Variants in RBMS3 observed in about 807,000 individuals in gnomAD.
The protein encoded by RBMS3 is RNA-binding motif, single-stranded-interacting protein 3.
Under a neutral mutation model 66.8 loss-of-function variants are expected in RBMS3, and 27 were observed. The ratio of observed to expected loss-of-function variants is 0.40; its 90% CI spans 0.30 to 0.56. The LOEUF is 0.56. RBMS3 is among the 20% of genes least tolerant of loss of function. RBMS3 has a pLI of 0.40. For synonymous variants in RBMS3, 188 were observed against 183.0 expected, an observed-to-expected ratio of 1.03 and a Z score of -0.22; for missense variants, 513 against 549.5, an observed-to-expected ratio of 0.93 and a Z score of 0.66.
At chr3:29,894,360 G>A (rs1231677780) in intron 8 of RBMS3, among the ~76,000 whole-genome samples, 1 of 151,400 alleles carries the variant, frequency 6.6e-6, no homozygotes, top group Non-Finnish European at 1.5e-5. Context: ...AGGGAATACA[G>A]ACATGCACCA....
chr3:29,733,563 A>G (rs2149339882), intron 4 of RBMS3, among the ~76,000 whole-genome samples: 1 of 152,122 alleles, frequency 6.6e-6, no homozygotes, highest in African/African-American at 2.4e-5. Context: ...AGGCATTCTA[A>G]TAGGGGTGAG....
At chr3:29,776,587 G>T (rs1282111456) in intron 6 of RBMS3, among the ~76,000 whole-genome samples, 1 of 151,974 alleles carries the variant, frequency 6.6e-6, no homozygotes, top group Non-Finnish European at 1.5e-5. Context: ...TTAACTGAGA[G>T]ATTTTCTATA....
chr3:29,795,651 G>C (rs2057159665), intron 6 of RBMS3, among the ~76,000 whole-genome samples: 1 of 152,122 alleles, frequency 6.6e-6, no homozygotes, highest in African/African-American at 2.4e-5. Context: ...CCATAATACA[G>C]AAATATAACC....
chr3:29,794,863 G>A (rs1373614214), intron 6 of RBMS3, among the ~76,000 whole-genome samples: 4 of 152,152 alleles, frequency 2.6e-5, no homozygotes, highest in Non-Finnish European at 5.9e-5. Context: ...ATTTGCTAAA[G>A]GGTTGGGAGA....
rs72849037 is a variant in RBMS3 at position 29,970,266 on chromosome 3, A to G, written c.1099-17877A>G. Among the ~76,000 whole-genome samples the G allele has an allele frequency of 1.6e-3, 244 of 152,294 alleles. 1 individual carries two copies. The highest frequency in any genetic ancestry group is 5.6e-3 in the African/African-American group (231 of 41,574). On this transcript the variant is annotated intron_variant, in intron 12 of 14. Coordinates refer to ENST00000383767, the MANE Select transcript of RBMS3 (RefSeq NM_001003793.3). ...AACAGAAACTAATGTTTTCTAGGATATAGCATTCAAGGACCAAGAAACTAG... is the reference window on the plus strand; with the variant it reads ...AACAGAAACTAATGTTTTCTAGGATGTAGCATTCAAGGACCAAGAAACTAG...
intron 5 of RBMS3, among the ~76,000 whole-genome samples, chr3:29,760,252 AACACACAC>A (rs139553062): frequency 1.3e-5 from 2 of 148,432 alleles, no homozygotes; most frequent in South Asian, 4.3e-4. Context: ...ATGTAGAATA[AACACACAC>A]ACACACACAT....
chr3:29,856,874 C>T (rs2059089811), intron 6 of RBMS3, among the ~76,000 whole-genome samples: 1 of 152,110 alleles, frequency 6.6e-6, no homozygotes, highest in Non-Finnish European at 1.5e-5. Context: ...TTTAACATCT[C>T]CTTGAAAAAC....
intron 1 of RBMS3, among the ~76,000 whole-genome samples, chr3:29,286,631 G>T (rs1339211612): frequency 6.6e-6 from 1 of 152,018 alleles, no homozygotes; most frequent in Non-Finnish European, 1.5e-5. Flanking sequence ...CTGGGGGTAG[G>T]GATAATTTGC....
At chr3:29,615,191 C>T (rs1459894318) in intron 4 of RBMS3, 2 of 152,398 alleles carry the variant, frequency 1.3e-5, no homozygotes, top group East Asian at 3.9e-4. Flanking sequence ...CAGTTGGAAG[C>T]AATTACCACC....
chr3:29,484,579 G>A (rs1438541700), intron 2 of RBMS3, among the ~76,000 whole-genome samples: 1 of 152,136 alleles, frequency 6.6e-6, no homozygotes, highest in Non-Finnish European at 1.5e-5. Flanking sequence ...TTAATTTTGA[G>A]GGGACAAAAT....
At chr3:29,919,043 T>C (rs1011618088) in intron 10 of RBMS3, among the ~76,000 whole-genome samples, 1 of 152,142 alleles carries the variant, frequency 6.6e-6, no homozygotes, top group Non-Finnish European at 1.5e-5. Flanking sequence ...GAGAAAACAA[T>C]TTTTAATAAA....
intron 3 of RBMS3, among the ~76,000 whole-genome samples, chr3:29,555,726 C>T (rs759338721): frequency 8.5e-5 from 13 of 152,182 alleles, no homozygotes; most frequent in Non-Finnish European, 1.9e-4. Context: ...GAATTTGGTT[C>T]TGTCTCCTGC....
chr3:29,359,493 T>C (rs1459219927), intron 1 of RBMS3, among the ~76,000 whole-genome samples: 2 of 152,218 alleles, frequency 1.3e-5, no homozygotes, highest in Middle Eastern at 3.2e-3. Flanking sequence ...TCAGGGGTAT[T>C]GGTCTAAAAT....
chr3:29,953,776 G>C (rs1056021069), intron 12 of RBMS3, among the ~76,000 whole-genome samples: 7 of 151,768 alleles, frequency 4.6e-5, no homozygotes, highest in African/African-American at 1.7e-4. Context: ...TCATATTTAT[G>C]CTCCTTCAGC....
At chr3:29,913,772 C>A (rs1404495106) in intron 10 of RBMS3, among the ~76,000 whole-genome samples, 1 of 151,848 alleles carries the variant, frequency 6.6e-6, no homozygotes, top group Non-Finnish European at 1.5e-5. Flanking sequence ...TATTAAAAAT[C>A]AATTCTTACT....
At chr3:29,506,660 C>T (rs916806989) in intron 3 of RBMS3, among the ~76,000 whole-genome samples, 4 of 151,860 alleles carry the variant, frequency 2.6e-5, no homozygotes, top group Non-Finnish European at 4.4e-5. Flanking sequence ...GTATTAGTAT[C>T]GGTTCTTCTT....
At chr3:29,394,285 C>T (rs1189293837) in intron 1 of RBMS3, among the ~76,000 whole-genome samples, 1 of 152,180 alleles carries the variant, frequency 6.6e-6, no homozygotes, top group Non-Finnish European at 1.5e-5. Flanking sequence ...TTCTGCCCCA[C>T]CCCGCAGGCA....
At chr3:29,635,205 A>T (rs559201084) in intron 4 of RBMS3, among the ~76,000 whole-genome samples, 1 of 151,842 alleles carries the variant, frequency 6.6e-6, no homozygotes, top group East Asian at 1.9e-4. Context: ...TCTTTCTCTC[A>T]TTCCAGTCTT....
At chr3:29,829,820 AGAG>A (rs1455016324) in intron 6 of RBMS3, among the ~76,000 whole-genome samples, 1 of 125,704 alleles carries the variant, frequency 8.0e-6, no homozygotes. Context: ...AGCACCATCA[AGAG>A]GAGAATGCCT....
Sources: gnomAD v4.1 joint callset for allele counts (sites outside exome capture counted in the v4.1 genomes callset) on GRCh38, gnomAD v4.1.1 for gene constraint, MANE v1.5 for transcripts, NCBI Gene and HGNC (gene_info 2026-07-23, HGNC 2026-07-21) for gene names.